VPS13B: variants seen among roughly 807,000 people sequenced by gnomAD.
VPS13B encodes intermembrane lipid transfer protein VPS13B.
VPS13B carries 285 observed loss-of-function variants against 426.4 expected under a neutral mutation model. The observed-to-expected ratio is 0.67, with a 90% confidence interval of 0.61 to 0.74. VPS13B has a LOEUF of 0.74. Among genes scored for constraint, VPS13B ranks in the 30% least tolerant of loss-of-function variants. VPS13B has a pLI of 0.00. For synonymous variants in VPS13B, 1,676 were observed against 1,676.4 expected, an observed-to-expected ratio of 1.00 and a Z score of 0.01; for missense variants, 4,537 against 4,782.6, an observed-to-expected ratio of 0.95 and a Z score of 1.51.
At chr8:99,160,587 G>T (rs988849704) in intron 15 of VPS13B, among the ~76,000 whole-genome samples, 4 of 149,200 alleles carry the variant, frequency 2.7e-5, no homozygotes, top group African/African-American at 9.9e-5. Context: ...GGAGGTCAAG[G>T]TTGCAGTGAG....
chr8:99,570,232 T>C (rs1278457370), intron 31 of VPS13B, among the ~76,000 whole-genome samples: 3 of 152,204 alleles, frequency 2.0e-5, no homozygotes. Flanking sequence ...TGAATTCTTA[T>C]ATTTCATCAT....
chr8:99,096,431 A>C lies in VPS13B; in HGVS notation c.411A>C (p.Pro137=). Residue 137 remains proline (P), a splice_region_variant and synonymous_variant, in exon 4 of 62, where the codon CCA becomes CCC. Transcript: ENST00000357162. ...QAAPTDPDLP[P]GYVQSLIRRV... ...CTCCTACAGATCCTGACTTACCACC[A>C]GGTAACTTCTAATGGGATCAATAAA... is the stretch of plus-strand genomic sequence containing the variant. 6.2e-7 allele frequency: 1 copy of C among 1,613,976 alleles called. No homozygotes were observed. The highest frequency in any genetic ancestry group is 8.5e-7 in the Non-Finnish European group (1 of 1,179,924).
intron 17 of VPS13B, among the ~76,000 whole-genome samples, chr8:99,223,747 T>G (rs1033188148): frequency 6.6e-6 from 1 of 152,186 alleles, no homozygotes; most frequent in African/African-American, 2.4e-5. Context: ...TTTTCATATG[T>G]GTATAAAATT....
chr8:99,669,907 C>T (rs1332155935), intron 35 of VPS13B, among the ~76,000 whole-genome samples: 2 of 152,024 alleles, frequency 1.3e-5, no homozygotes, highest in African/African-American at 4.8e-5. Flanking sequence ...TAAAATAATT[C>T]CTAAACATCC....
At chr8:99,316,564 T>TG (rs1275388245) in intron 19 of VPS13B, among the ~76,000 whole-genome samples, 5 of 152,104 alleles carry the variant, frequency 3.3e-5, no homozygotes, top group Non-Finnish European at 7.4e-5. Flanking sequence ...CAGGGATCTG[T>TG]GGGGGAAATG....
Position 99,848,771 on chromosome 8 carries a change from T to G in VPS13B, c.9943-5T>G. ...TTAATCAGATTTTGAATATTCTTTCTGCAGGTTGTGTTCCTGACTGGCTTT... is the reference window on the plus strand; with the variant it reads ...TTAATCAGATTTTGAATATTCTTTCGGCAGGTTGTGTTCCTGACTGGCTTT... On this transcript the variant is annotated splice_polypyrimidine_tract_variant and splice_region_variant and intron_variant, in intron 54 of 61. Coordinates refer to ENST00000357162, the MANE Select transcript of VPS13B (RefSeq NM_152564.5). 6.2e-7 allele frequency: 1 copy of G among 1,613,544 alleles called. No homozygotes were observed.
Position 99,173,447 on chromosome 8 carries a change from C to T in VPS13B, c.2333+3284C>T, listed in dbSNP as rs566300803. 1.2e-4 allele frequency among the ~76,000 whole-genome samples: 19 copies of T among 152,282 alleles called. No homozygotes were observed. In the East Asian group the frequency reaches 3.7e-3, roughly 29 times the overall value. On this transcript the variant is annotated intron_variant, in intron 16 of 61. Coordinates refer to ENST00000357162, the MANE Select transcript of VPS13B (RefSeq NM_152564.5). ...TATTATCAACACAATAAGTAACCTT[C>T]CAGGGCTTAAAATGATGTTTATACA...
intron 4 of VPS13B, among the ~76,000 whole-genome samples, chr8:99,100,874 C>G (rs537066957): frequency 6.6e-6 from 1 of 151,776 alleles, no homozygotes; most frequent in Non-Finnish European, 1.5e-5. Context: ...AACCCCATCT[C>G]TACTAAAAAA....
At chr8:99,207,451 A>G in intron 17 of VPS13B, among the ~76,000 whole-genome samples, 1 of 152,194 alleles carries the variant, frequency 6.6e-6, no homozygotes, top group African/African-American at 2.4e-5. Context: ...ATGATACTTC[A>G]TGGCACAGGA....
intron 33 of VPS13B, among the ~76,000 whole-genome samples, chr8:99,594,041 C>A (rs552046660): frequency 1.4e-4 from 22 of 151,890 alleles, no homozygotes; most frequent in African/African-American, 5.1e-4. Flanking sequence ...ATGTGACAAA[C>A]CTGCACATCC....
chr8:99,029,266 C>T (rs1474292523), intron 2 of VPS13B, among the ~76,000 whole-genome samples: 3 of 150,130 alleles, frequency 2.0e-5, no homozygotes, highest in South Asian at 2.1e-4. Context: ...GGATGGCGGC[C>T]GGGCAGAGAC....
chr8:99,445,310 T>G (rs1001266358), intron 23 of VPS13B, among the ~76,000 whole-genome samples: 3 of 149,358 alleles, frequency 2.0e-5, no homozygotes, highest in African/African-American at 7.3e-5. Context: ...ACAAAAAATT[T>G]AAAAATTACC....
chr8:99,499,854 C>T (rs985082994), intron 25 of VPS13B, among the ~76,000 whole-genome samples: 2 of 152,144 alleles, frequency 1.3e-5, no homozygotes, highest in African/African-American at 4.8e-5. Flanking sequence ...TGCTTGGTGC[C>T]TAAGTGTTCT....
chr8:99,821,438 G>T lies in VPS13B; in HGVS notation c.9139G>T (p.Val3047Phe). 1 of 1,613,822 alleles carries T rather than the reference G, an allele frequency of 6.2e-7. No homozygotes were observed. The highest frequency in any genetic ancestry group is 8.5e-7 in the Non-Finnish European group (1 of 1,179,796). ...EVVTLDEEAFVDTEIRLGAFP... is the reference protein window; with the variant it reads ...EVVTLDEEAFFDTEIRLGAFP... ...TGTGACACTGGATGAAGAAGCGTTT[G>T]TTGATACTGAAATAAGACTTGGTGC... Residue 3047 changes from valine (V) to phenylalanine (F), a missense_variant, in exon 50 of 62, where the codon GTT becomes TTT. Val to Phe is a conservative substitution (Grantham distance 50). Around this residue, in one of 2 missense-constraint regions of VPS13B, gnomAD observed 4,311 missense variants for 4,474.3 expected, o/e 0.96. Transcript: ENST00000357162.
At chr8:99,651,331 G>C (rs894769745) in intron 34 of VPS13B, among the ~76,000 whole-genome samples, 75 of 152,058 alleles carry the variant, frequency 4.9e-4, no homozygotes, top group Non-Finnish European at 7.9e-4. Context: ...GTATCTTTAA[G>C]CTATACATAG....
In VPS13B at chr8:99,275,257, A is replaced by G; in HGVS notation, c.2824+3A>G. On this transcript the variant is annotated splice_donor_region_variant and intron_variant, in intron 19 of 61. Coordinates refer to ENST00000357162, the MANE Select transcript of VPS13B (RefSeq NM_152564.5). ...TATTGACTACTGCCACAATTCCGGT[A>G]AGTACAAACCTATCATTATTCCCTT... 6.2e-7 allele frequency: 1 copy of G among 1,607,746 alleles called. No homozygotes were observed. The highest frequency in any genetic ancestry group is 8.5e-7 in the Non-Finnish European group (1 of 1,177,256).
At chr8:99,142,649 T>TC (rs1379369866) in intron 12 of VPS13B, among the ~76,000 whole-genome samples, 1 of 151,974 alleles carries the variant, frequency 6.6e-6, no homozygotes, top group Non-Finnish European at 1.5e-5. Flanking sequence ...GTACCCCCTC[T>TC]CAGTCAATGC....
At chr8:99,111,783 T>C (rs1563546610) in intron 6 of VPS13B, among the ~76,000 whole-genome samples, 1 of 152,186 alleles carries the variant, frequency 6.6e-6, no homozygotes, top group Non-Finnish European at 1.5e-5. Flanking sequence ...CTTAGGGAGT[T>C]ATTCAGGACA....
intron 39 of VPS13B, among the ~76,000 whole-genome samples, chr8:99,761,220 T>C (rs1416057223): frequency 2.6e-5 from 4 of 152,242 alleles, no homozygotes; most frequent in Admixed American, 6.5e-5. Flanking sequence ...TACTTTGGTA[T>C]GTATCTCCAT....
Sources: allele counts gnomAD v4.1 joint callset (sites outside exome capture counted in the v4.1 genomes callset), GRCh38; gene constraint gnomAD v4.1.1; regional missense constraint gnomAD v4.1.1; transcripts MANE v1.5; gene names NCBI Gene and HGNC (gene_info 2026-07-23, HGNC 2026-07-21).